Variants in PTPRN2 observed in about 807,000 individuals in gnomAD.
The protein encoded by PTPRN2 is protein tyrosine phosphatase receptor type N2.
In PTPRN2, 74 loss-of-function variants were observed where a neutral mutation model predicts 118.8. That is an observed-to-expected ratio of 0.62 (90% CI 0.52 to 0.76). The LOEUF (loss-of-function observed/expected upper bound fraction) is 0.76. Among genes scored for constraint, PTPRN2 ranks in the 30% least tolerant of loss-of-function variants. The probability of loss-of-function intolerance (pLI) is 0.00; values close to 1 mark genes in which losing one functional copy is unlikely to be tolerated. For missense variants in PTPRN2, 1,481 were observed against 1,394.4 expected (o/e 1.06, Z -0.99); for synonymous variants, 641 against 608.0 (o/e 1.05, Z -0.80).
intron 11 of PTPRN2, among the ~76,000 whole-genome samples, chr7:157,900,281 C>T (rs562337530): frequency 5.3e-5 from 8 of 152,360 alleles, no homozygotes; most frequent in Non-Finnish European, 7.3e-5. Flanking sequence ...CTGCAGACCA[C>T]GCCTAAGTGG....
At chr7:158,071,074 G>A (rs1486873775) in intron 11 of PTPRN2, among the ~76,000 whole-genome samples, 6 of 79,720 alleles carry the variant, frequency 7.5e-5, no homozygotes, top group Admixed American at 1.1e-4. Context: ...TGCTCGTGGT[G>A]GTGGAGGTGC....
At chr7:158,033,190 G>A (rs1186261443) in intron 11 of PTPRN2, among the ~76,000 whole-genome samples, 1 of 77,808 alleles carries the variant, frequency 1.3e-5, no homozygotes, top group Non-Finnish European at 2.5e-5. Flanking sequence ...ATAAAGCCTT[G>A]GTGCCTGGTG....
chr7:158,476,913 T>C (rs896051524), intron 2 of PTPRN2, among the ~76,000 whole-genome samples: 1 of 152,230 alleles, frequency 6.6e-6, no homozygotes, highest in Non-Finnish European at 1.5e-5. Flanking sequence ...TGAGCTCACA[T>C]GTGTGTGAGA....
At chr7:157,849,917 G>A (rs534674412) in intron 12 of PTPRN2, among the ~76,000 whole-genome samples, 2 of 152,326 alleles carry the variant, frequency 1.3e-5, no homozygotes, top group African/African-American at 4.8e-5. Flanking sequence ...GATGGCAGCT[G>A]GGGCCCGTGT....
rs1226486919 is a variant in PTPRN2, at chr7:158,544,452, A to G, written c.112+43106T>C. Among the ~76,000 whole-genome samples, 1 of 152,144 alleles carries G rather than the reference A, an allele frequency of 6.6e-6. No homozygotes were observed. The highest frequency in any genetic ancestry group is 1.5e-5 in the Non-Finnish European group (1 of 68,022). On this transcript the variant is annotated intron_variant, in intron 1 of 22. Coordinates refer to ENST00000389418, the MANE Select transcript of PTPRN2 (RefSeq NM_002847.5). This position sits in a 1 kb window ranked among gnomAD's most constrained non-coding sequence, Gnocchi z 4.2. ...GGAGTTTGAGACCAGCCTGGCCAACATAGTGAAACCCTGTCTCTAATAAAA... is the reference window on the plus strand; with the variant it reads ...GGAGTTTGAGACCAGCCTGGCCAACGTAGTGAAACCCTGTCTCTAATAAAA...
chr7:158,540,409 G>A (rs187773223), intron 1 of PTPRN2, among the ~76,000 whole-genome samples: 14 of 152,234 alleles, frequency 9.2e-5, no homozygotes, highest in Admixed American at 8.5e-4. Context: ...CCCAGCCTCT[G>A]GGGCTCCATG....
rs1312490591 is a variant in PTPRN2, at chr7:157,611,239, G to A, written c.2345-7164C>T. Among the ~76,000 whole-genome samples the A allele has an allele frequency of 1.3e-5, 2 of 152,138 alleles. No homozygotes were observed. Among genetic ancestry groups the A allele is most frequent in the Non-Finnish European group, 2.9e-5 (2 of 68,026 alleles). ...CCCCCACAGACAGATCTCTCAGAAAGTCGCCCCCCAATGGGATCGGAAGCA... is the reference window on the plus strand; with the variant it reads ...CCCCCACAGACAGATCTCTCAGAAAATCGCCCCCCAATGGGATCGGAAGCA... On this transcript the variant is annotated intron_variant, in intron 15 of 22. Coordinates refer to ENST00000389418, the MANE Select transcript of PTPRN2 (RefSeq NM_002847.5). The surrounding 1 kb of genome is among the most constrained non-coding windows in gnomAD (Gnocchi z 5.9).
chr7:158,494,889 C>T (rs959993535), intron 1 of PTPRN2, among the ~76,000 whole-genome samples: 9 of 152,170 alleles, frequency 5.9e-5, no homozygotes, highest in Admixed American at 2.0e-4. Context: ...AAAAATATAA[C>T]GAAGCAGAGT....
At chr7:158,051,946 G>A (rs1809356801) in intron 11 of PTPRN2, among the ~76,000 whole-genome samples, 1 of 152,178 alleles carries the variant, frequency 6.6e-6, no homozygotes, top group African/African-American at 2.4e-5. Flanking sequence ...GGAAAAGGTA[G>A]TGTTACTCAT....
At chr7:158,106,672 C>T (rs898089555) in intron 10 of PTPRN2, among the ~76,000 whole-genome samples, 1 of 152,216 alleles carries the variant, frequency 6.6e-6, no homozygotes, top group African/African-American at 2.4e-5. Flanking sequence ...ATAACCCTGT[C>T]ACACTATCTG....
chr7:158,311,495 T>C (rs928118713), intron 3 of PTPRN2, among the ~76,000 whole-genome samples: 11 of 152,348 alleles, frequency 7.2e-5, no homozygotes, highest in South Asian at 6.2e-4. Flanking sequence ...GAGCAGTGTG[T>C]CTGCCCATGA....
chr7:157,719,378 C>T (rs1799111060), intron 12 of PTPRN2, among the ~76,000 whole-genome samples: 1 of 152,252 alleles, frequency 6.6e-6, no homozygotes, highest in Middle Eastern at 3.2e-3. Context: ...TGGGAAGTCC[C>T]CCATTGGGAG....
intron 2 of PTPRN2, among the ~76,000 whole-genome samples, chr7:158,331,623 ACTCTC>A (rs1804470710): frequency 7.0e-6 from 1 of 143,002 alleles, no homozygotes; most frequent in African/African-American, 2.8e-5. Context: ...TTACAGCCAT[ACTCTC>A]ACCATAAGAG....
At chr7:157,972,481 A>G (rs1256277691) in intron 11 of PTPRN2, among the ~76,000 whole-genome samples, 1 of 152,014 alleles carries the variant, frequency 6.6e-6, no homozygotes, top group Non-Finnish European at 1.5e-5. Context: ...ACTCCACACC[A>G]CGAGAGCAGG....
At chr7:158,036,514 A>G (rs1413172039) in intron 11 of PTPRN2, among the ~76,000 whole-genome samples, 4 of 152,196 alleles carry the variant, frequency 2.6e-5, no homozygotes, top group African/African-American at 9.7e-5. Context: ...CAATGAAAAT[A>G]AGGGAATTCC....
intron 2 of PTPRN2, among the ~76,000 whole-genome samples, chr7:158,380,775 C>T (rs1370263162): frequency 6.6e-6 from 1 of 152,238 alleles, no homozygotes; most frequent in Non-Finnish European, 1.5e-5. Flanking sequence ...CCATGAGGGC[C>T]CCACCCCTGG....
chr7:157,573,089 C>T, intron 19 of PTPRN2, among the ~76,000 whole-genome samples: 1 of 152,232 alleles, frequency 6.6e-6, no homozygotes, highest in Non-Finnish European at 1.5e-5. Context: ...CCATTCCTGA[C>T]TCAGGCTGTA....
chr7:157,918,506 C>T (rs1798535543), intron 11 of PTPRN2, among the ~76,000 whole-genome samples: 2 of 152,300 alleles, frequency 1.3e-5, no homozygotes, highest in Non-Finnish European at 2.9e-5. Context: ...AGTCATCTTC[C>T]TAGGACAGGT....
At chr7:158,122,636 T>C (rs1162107833) in intron 9 of PTPRN2, among the ~76,000 whole-genome samples, 1 of 152,216 alleles carries the variant, frequency 6.6e-6, no homozygotes, top group African/African-American at 2.4e-5. Flanking sequence ...CGGTGGGATC[T>C]GGCATTCAGC....
Sources: allele counts gnomAD v4.1 joint callset (sites outside exome capture counted in the v4.1 genomes callset), GRCh38; gene constraint gnomAD v4.1.1; non-coding constraint Gnocchi (gnomAD v3.1); transcripts MANE v1.5; gene names NCBI Gene and HGNC (gene_info 2026-07-23, HGNC 2026-07-21).